SLC38A2: variants seen among roughly 807,000 people sequenced by gnomAD.
The protein encoded by SLC38A2 is solute carrier family 38 member 2.
A neutral mutation model predicts 61.5 loss-of-function variants in SLC38A2; 11 were observed. The observed-to-expected ratio is 0.18, with a 90% CI of 0.11 to 0.30. The LOEUF is 0.30. SLC38A2 is among the 10% of genes least tolerant of loss of function. The pLI, the probability that SLC38A2 is intolerant of heterozygous loss-of-function variation, is 1.00. For missense variants in SLC38A2, 522 were observed against 600.4 expected (o/e 0.87, Z 1.36); for synonymous variants, 217 against 212.5 (o/e 1.02, Z -0.18).
At chr12:46,361,584 G>A (rs1175465641) in intron 15 of SLC38A2, among the ~76,000 whole-genome samples, 2 of 152,046 alleles carry the variant, frequency 1.3e-5, no homozygotes, top group Non-Finnish European at 2.9e-5. Context: ...CAAAGCCAGA[G>A]GTCTTTCCAG....
Position 46,371,326 on chromosome 12 carries a change from T to TAC in SLC38A2, c.-34_-33insGT. 6.4e-7 allele frequency: 1 copy of TAC among 1,563,774 alleles called. No individual in the cohort carries two copies. Among genetic ancestry groups the TAC allele is most frequent in the Non-Finnish European group, 8.8e-7 (1 of 1,134,668 alleles). On this transcript the variant is annotated 5_prime_UTR_variant, in exon 2 of 16. Transcript: ENST00000256689. ...ACTGGGAGGAATCGGGTGCAGCTAG[T>TAC]AGCGCTGGGCTCCTTTTGTCCTTGG...
intron 15 of SLC38A2, among the ~76,000 whole-genome samples, chr12:46,361,470 A>G (rs1304979344): frequency 1.3e-5 from 2 of 152,118 alleles, no homozygotes; most frequent in Admixed American, 6.6e-5. Context: ...CTTGCTAAAC[A>G]AACTGCTTCA....
At chr12:46,363,213 G>A (rs1943102597) in intron 12 of SLC38A2, 68 bp from the exon 13 acceptor site, 2 of 1,534,660 alleles carry the variant, frequency 1.3e-6, no homozygotes, top group African/African-American at 1.4e-5. Context: ...AAATTTAACA[G>A]CAAAATGTGC....
chr12:46,372,393 C>T (rs1228946905), intron 1 of SLC38A2, 116 bp downstream of exon 1: 1 of 297,696 alleles, frequency 3.4e-6, no homozygotes, highest in Admixed American at 5.2e-5. Context: ...CAACGCCCGC[C>T]TCGAAAGGAA....
At chr12:46,371,543 G>C in intron 1 of SLC38A2, 164 bp from the exon 2 acceptor site, 1 of 478,204 alleles carries the variant, frequency 2.1e-6, no homozygotes, top group South Asian at 2.6e-5. Flanking sequence ...GAAAAGTACA[G>C]ACGGCGGAGC....
intron 1 of SLC38A2, 31 bp downstream of exon 1, chr12:46,372,478 C>G (rs541635446): frequency 2.6e-6 from 1 of 385,050 alleles, no homozygotes; most frequent in Admixed American, 4.5e-5. Flanking sequence ...GCCCCGCGCC[C>G]TTCCCACAGA....
chr12:46,358,542 TG>T lies in SLC38A2; in HGVS notation c.*2568del, dbSNP rs1272918917. ...ATTTAAACAAGTTTTTTTTAGTGTT[TG>T]TACACAATTTGTCAATTTTTCAATA... On this transcript the variant is annotated 3_prime_UTR_variant, in exon 16 of 16. Transcript: ENST00000256689. The T allele has an allele frequency of 1.4e-4, 21 of 152,752 alleles. No individual in the cohort carries two copies. Among genetic ancestry groups the T allele is most frequent in the Admixed American group, 4.6e-4 (7 of 15,304 alleles). The allele number at this position is 152,752 out of a possible 1,614,324, so 9.5% of individuals were successfully genotyped here. A position where few individuals can be genotyped will look rare whatever the true frequency, so the allele number is the denominator to read the frequency against.
intron 2 of SLC38A2, 58 bp from the exon 3 acceptor site, chr12:46,370,915 C>T (rs1179512337): frequency 1.5e-6 from 2 of 1,301,204 alleles, no homozygotes; most frequent in African/African-American, 3.0e-5. Context: ...TATCATTACA[C>T]ACAAGACTGC....
chr12:46,364,325 G>C (rs1400587144), intron 10 of SLC38A2, 64 bp downstream of exon 10: 12 of 1,454,024 alleles, frequency 8.3e-6, no homozygotes, highest in Non-Finnish European at 9.2e-7. Context: ...TACCCTGGGA[G>C]TGAATAGCTT....
chr12:46,366,739 G>T (rs1943142252), intron 7 of SLC38A2, 125 bp downstream of exon 7: 4 of 889,444 alleles, frequency 4.5e-6, no homozygotes, highest in Non-Finnish European at 6.6e-6. Context: ...GGGCCTTCTT[G>T]GTCAGTTTCA....
chr12:46,370,802 C>T lies in SLC38A2; in HGVS notation c.172G>A (p.Gly58Arg). Residue 58 changes from glycine to arginine, a missense_variant, in exon 3 of 16, where the codon GGG becomes AGG. Transcript: ENST00000256689. ...AATTCTGTTTCATACTTCTTCTTCC[C>T]CAAATTCGATTCAAGTAAAAAGTTC... ...NQNFLLESNL[G>R]KKKYETEFHP... 2 of 1,613,048 alleles carry T rather than the reference C, an allele frequency of 1.2e-6. No homozygotes were observed. Among genetic ancestry groups the T allele is most frequent in the Non-Finnish European group, 1.7e-6 (2 of 1,179,610 alleles).
At chr12:46,369,359 T>C (rs1319562605) in intron 4 of SLC38A2, among the ~76,000 whole-genome samples, 1 of 152,192 alleles carries the variant, frequency 6.6e-6, no homozygotes, top group Non-Finnish European at 1.5e-5. Context: ...CCAGAGTGAA[T>C]CCTAGCATCT....
At position 46,364,711 on chromosome 12, in the gene SLC38A2, AG is replaced by A. The variant is rs770634586; in HGVS notation, c.647-10del. 3.9e-5 allele frequency: 62 copies of A among 1,602,670 alleles called. No individual in the cohort carries two copies. The highest frequency in any genetic ancestry group is 5.0e-5 in the Non-Finnish European group (59 of 1,174,554). ...GGTATATCCCAAATATCCTATAAGG[AG>A]GGGTGGCAGGAATCAGTATTAGTTT... On this transcript the variant is annotated splice_polypyrimidine_tract_variant and intron_variant, in intron 8 of 15. Transcript: ENST00000256689.
rs1396270845 is a variant in SLC38A2, at chr12:46,364,659, C to A, written c.690G>T (p.Val230=). 1 of 1,609,080 alleles carries A rather than the reference C, an allele frequency of 6.2e-7. No homozygotes were observed. The highest frequency in any genetic ancestry group is 1.3e-5 in the African/African-American group (1 of 74,406). Residue 230 remains valine (V), a synonymous_variant, in exon 9 of 16, where the codon GTG becomes GTT. Coordinates refer to ENST00000256689, the MANE Select transcript of SLC38A2 (RefSeq NM_018976.5). ...YTSGLSLLCM[V]FFLIVVICKK... is the part of the protein sequence containing the mutation. The stretch of plus-strand genomic sequence containing the variant: ...TCATACCCACCACAATCAGAAAGAA[C>A]ACCATACACAACAAGGAAAGGCCAC...
intron 6 of SLC38A2, 60 bp from the exon 7 acceptor site, chr12:46,367,005 G>GC: frequency 1.3e-6 from 2 of 1,594,206 alleles, no homozygotes; most frequent in Non-Finnish European, 1.7e-6. Flanking sequence ...ACACTAAAAC[G>GC]CATGTGTCAC....
In SLC38A2 at chr12:46,360,327, T is replaced by C. The variant is rs557550001; in HGVS notation, c.*784A>G. 2.6e-5 allele frequency: 4 copies of C among 152,552 alleles called. No individual in the cohort carries two copies. The highest frequency in any genetic ancestry group is 2.6e-4 in the Admixed American group (4 of 15,298). The allele number at this position is 152,552 out of a possible 1,614,324, so 9.4% of individuals were successfully genotyped here. A position where few individuals can be genotyped will look rare whatever the true frequency, so the allele number is the denominator to read the frequency against. ...TTCAGTCTGAATGAACCAAATTGTT[T>C]GGGGACAGAGAAGAAAAGTGATGAA... On this transcript the variant is annotated 3_prime_UTR_variant, in exon 16 of 16. Coordinates refer to ENST00000256689, the MANE Select transcript of SLC38A2 (RefSeq NM_018976.5).
At position 46,359,041 on chromosome 12, in the gene SLC38A2, G is replaced by T. The variant is rs767013273; in HGVS notation, c.*2070C>A. On this transcript the variant is annotated 3_prime_UTR_variant, in exon 16 of 16. Transcript: ENST00000256689. ...TCACATTAATTTGCTGTAGAGAAAAGAATTTTTTTTCCATTCCTTCCTGGT... is the reference window on the plus strand; with the variant it reads ...TCACATTAATTTGCTGTAGAGAAAATAATTTTTTTTCCATTCCTTCCTGGT... 3.4e-5 allele frequency: 5 copies of T among 147,224 alleles called. No individual in the cohort carries two copies. The highest frequency in any genetic ancestry group is 6.8e-5 in the Admixed American group (1 of 14,602). 9.1% of individuals were successfully genotyped at this position (147,224 alleles called of 1,614,324 possible).
At chr12:46,362,853 A>G in intron 13 of SLC38A2, 168 bp downstream of exon 13, 1 of 999,524 alleles carries the variant, frequency 1.0e-6, no homozygotes, top group Middle Eastern at 2.7e-4. Context: ...AAATGTCCCC[A>G]GGGTATTTTG....
intron 8 of SLC38A2, 96 bp from the exon 9 acceptor site, chr12:46,364,798 G>T: frequency 8.2e-7 from 1 of 1,220,992 alleles, no homozygotes; most frequent in Non-Finnish European, 1.2e-6. Context: ...CTGCTGGGAA[G>T]ACTTTAGGCA....
Sources: allele counts gnomAD v4.1 joint callset (sites outside exome capture counted in the v4.1 genomes callset), GRCh38; gene constraint gnomAD v4.1.1; transcripts MANE v1.5; gene names NCBI Gene and HGNC (gene_info 2026-07-23, HGNC 2026-07-21).